The following ZBBX variants were observed in gnomAD, a reference collection of about 807,000 sequenced individuals.
The protein encoded by ZBBX is zinc finger B-box domain-containing protein 1.
Under a neutral mutation model 108.5 loss-of-function variants are expected in ZBBX, and 101 were observed. The ratio of observed to expected loss-of-function variants is 0.93; its 90% CI spans 0.79 to 1.10. The LOEUF (loss-of-function observed/expected upper bound fraction) is 1.10, where lower values mean the gene tolerates loss of function less well. Among genes scored for constraint, ZBBX ranks in the 50% least tolerant of loss-of-function variants. The pLI is 0.00. For missense variants in ZBBX, 1,009 were observed against 941.4 expected (o/e 1.07, Z -0.94); for synonymous variants, 356 against 323.4 (o/e 1.10, Z -1.08).
chr3:167,229,692 A>G, the ZBBX span, among the ~76,000 whole-genome samples: 7 of 151,810 alleles, frequency 4.6e-5, no homozygotes, highest in Non-Finnish European at 1.0e-4. Flanking sequence ...TACCTCTGGA[A>G]GAAAAATGAC....
chr3:167,348,261 G>GGAAGGAAGGAAGGAA, intron 9 of ZBBX, among the ~76,000 whole-genome samples: 1 of 74,734 alleles, frequency 1.3e-5, no homozygotes, highest in South Asian at 6.7e-4. Context: ...GAGGGTGGAA[G>GGAAGGAAGGAAGGAA]GGAAGGAAGG....
upstream of ZBBX, among the ~76,000 whole-genome samples, chr3:167,381,058 G>A (rs1747680854): frequency 6.6e-6 from 1 of 151,758 alleles, no homozygotes; most frequent in African/African-American, 2.4e-5. Context: ...AGGCTTCTAT[G>A]CTTAACCACA....
intron 18 of ZBBX, among the ~76,000 whole-genome samples, chr3:167,294,999 C>G (rs191655525): frequency 1.8e-3 from 268 of 152,312 alleles, no homozygotes; most frequent in African/African-American, 6.3e-3. Flanking sequence ...GAGATACCAT[C>G]TTACGCCAGT....
chr3:167,266,716 G>T (rs555482134), intron 20 of ZBBX, among the ~76,000 whole-genome samples: 3 of 152,314 alleles, frequency 2.0e-5, no homozygotes, highest in South Asian at 2.1e-4. Flanking sequence ...GACGTGAGTG[G>T]CACCCTTTTG....
the ZBBX span, among the ~76,000 whole-genome samples, chr3:167,203,840 G>C: frequency 6.6e-6 from 1 of 152,108 alleles, no homozygotes; most frequent in Admixed American, 6.6e-5. Context: ...TCTAGTTGAT[G>C]CAAGGTTATT....
chr3:167,251,846 G>A (rs1379770308), intron 20 of ZBBX, among the ~76,000 whole-genome samples: 1 of 151,786 alleles, frequency 6.6e-6, no homozygotes, highest in Non-Finnish European at 1.5e-5. Flanking sequence ...CAAACCACAC[G>A]CCCTGACAGG....
In ZBBX at chr3:167,353,660, T is replaced by A. The variant is rs1441781631; in HGVS notation, c.433-3145A>T. Among the ~76,000 whole-genome samples, 6 of 152,008 alleles carry A rather than the reference T, an allele frequency of 3.9e-5. No individual in the cohort carries two copies. The East Asian group carries it at 5.8e-4, about 15-fold the overall frequency. ...CCAACTAAATCTATAAAAATAAAAA[T>A]AATAATAATAAATTATAACAGAGCA... On this transcript the variant is annotated intron_variant, in intron 8 of 21. Coordinates refer to ENST00000675490, the MANE Select transcript of ZBBX (RefSeq NM_001199201.2).
chr3:167,402,160 C>T (rs1748444265), intron 1 of ZBBX, among the ~76,000 whole-genome samples: 1 of 152,140 alleles, frequency 6.6e-6, no homozygotes, highest in Non-Finnish European at 1.5e-5. Flanking sequence ...TTCTCTCCAC[C>T]TTATCCCAAG....
intron 8 of ZBBX, 108 bp from the exon 9 acceptor site, chr3:167,350,623 A>G: frequency 1.4e-6 from 1 of 702,326 alleles, no homozygotes. Context: ...TCTCTAATTA[A>G]ATACCTATAT....
chr3:167,369,474 T>A (rs1003441239), intron 4 of ZBBX, among the ~76,000 whole-genome samples: 4 of 152,124 alleles, frequency 2.6e-5, no homozygotes, highest in African/African-American at 9.7e-5. Flanking sequence ...TCGAGGAAGA[T>A]ATACAGAAAG....
chr3:167,293,706 C>T (rs1163808037), intron 18 of ZBBX, among the ~76,000 whole-genome samples: 2 of 152,018 alleles, frequency 1.3e-5, no homozygotes, highest in Non-Finnish European at 2.9e-5. Flanking sequence ...GGCAATCAGG[C>T]AAGAGAAAGA....
At position 167,251,890 on chromosome 3, in the gene ZBBX, T is replaced by C. The variant is rs115251951; in HGVS notation, c.2255-9247A>G. Among the ~76,000 whole-genome samples, 605 of 150,662 alleles carry C rather than the reference T, an allele frequency of 4.0e-3. 2 individuals are homozygous for C. Among genetic ancestry groups the C allele is most frequent in the African/African-American group, 0.014 (583 of 40,780 alleles). On this transcript the variant is annotated intron_variant, in intron 20 of 21. Coordinates refer to ENST00000675490, the MANE Select transcript of ZBBX (RefSeq NM_001199201.2). ...GTTATCAACCAATCTGCTTTCTGTC[T>C]CTTGTCTCTCGATTCATCATGATGT... is the stretch of plus-strand genomic sequence containing the variant.
rs746771463 is a variant in ZBBX at position 167,298,427 on chromosome 3, G to A, written c.1757C>T (p.Pro586Leu). 1.3e-6 allele frequency: 2 copies of A among 1,533,142 alleles called. No homozygotes were observed. The highest frequency in any genetic ancestry group is 2.6e-5 in the South Asian group (2 of 77,088). The allele number at this position is 1,533,142 out of a possible 1,614,324, so 95.0% of individuals were successfully genotyped here. Residue 586 changes from proline to leucine, a missense_variant, in exon 18 of 22, where the codon CCT (proline) becomes CTT (leucine). Coordinates refer to ENST00000675490, the MANE Select transcript of ZBBX (RefSeq NM_001199201.2). ...LLQEIACRSK[P>L]ITKQYQGLER... ...AAGTCCTTGATATTGTTTTGTTATAGGCTTACTTCTGCAGGCTATTTCTTG... is the reference window on the plus strand; with the variant it reads ...AAGTCCTTGATATTGTTTTGTTATAAGCTTACTTCTGCAGGCTATTTCTTG...
chr3:167,275,322 G>A (rs1309194352), intron 20 of ZBBX, among the ~76,000 whole-genome samples: 1 of 152,218 alleles, frequency 6.6e-6, no homozygotes, highest in Non-Finnish European at 1.5e-5. Context: ...CTCCCAGCGT[G>A]AGCGACGCAG....
At chr3:167,279,769 G>A (rs1343735542) in intron 20 of ZBBX, among the ~76,000 whole-genome samples, 14 of 151,992 alleles carry the variant, frequency 9.2e-5, no homozygotes, top group African/African-American at 2.2e-4. Flanking sequence ...TATGGAACCA[G>A]AAAAGAGCCC....
chr3:167,276,146 C>G (rs941626444), intron 20 of ZBBX, among the ~76,000 whole-genome samples: 9 of 152,114 alleles, frequency 5.9e-5, no homozygotes, highest in African/African-American at 2.2e-4. Context: ...CATCATCAAA[C>G]AGAGCAGAAA....
upstream of ZBBX, among the ~76,000 whole-genome samples, chr3:167,384,622 A>T (rs1209730045): frequency 6.6e-6 from 1 of 152,064 alleles, no homozygotes; most frequent in South Asian, 2.1e-4. Flanking sequence ...CTGAAGGAAA[A>T]GTTTAAATTG....
At chr3:167,287,678 G>T (rs76161080) in intron 19 of ZBBX, among the ~76,000 whole-genome samples, 1,742 of 152,198 alleles carry the variant, frequency 0.011, 31 homozygotes, top group African/African-American at 0.04. Context: ...GCACGTATAT[G>T]AATTTGTTTT....
Position 167,334,081 on chromosome 3 carries a change from A to AATT in ZBBX, c.529-97_529-96insAAT, listed in dbSNP as rs1739136514. ...ATATTTGTGTTATTCTATGACTCCC[A>AATT]GAATTAAATAAATTCAATTTAATAT... On this transcript the variant is annotated intron_variant, in intron 9 of 21. Coordinates refer to ENST00000675490, the MANE Select transcript of ZBBX (RefSeq NM_001199201.2). 24 of 801,482 alleles carry AATT rather than the reference A, an allele frequency of 3.0e-5. No homozygotes were observed. The East Asian group carries it at 7.2e-4, about 24-fold the overall frequency. 49.6% of individuals were successfully genotyped at this position (801,482 alleles called of 1,614,324 possible). A position where few individuals can be genotyped will look rare whatever the true frequency, so the allele number is the denominator to read the frequency against.
Sources: gnomAD v4.1 joint callset for allele counts (sites outside exome capture counted in the v4.1 genomes callset) on GRCh38, gnomAD v4.1.1 for gene constraint, MANE v1.5 for transcripts, NCBI Gene and HGNC (gene_info 2026-07-23, HGNC 2026-07-21) for gene names.